The following ESRRG variants were observed in gnomAD, a reference collection of about 807,000 sequenced individuals.
ESRRG encodes estrogen-related receptor gamma.
In ESRRG, 13 loss-of-function variants were observed where a neutral mutation model predicts 44.0. That is an observed-to-expected ratio of 0.30 (90% CI 0.19 to 0.47). The LOEUF is 0.47. Ranked by LOEUF, ESRRG falls within the 20% of genes least tolerant of loss-of-function variation. The pLI is 1.00. For missense variants in ESRRG, 395 were observed against 580.6 expected (o/e 0.68, Z 3.29); for synonymous variants, 215 against 214.6 (o/e 1.00, Z -0.02).
At chr1:216,826,174 A>G (rs1446413615) in intron 2 of ESRRG, among the ~76,000 whole-genome samples, 1 of 150,232 alleles carries the variant, frequency 6.7e-6, no homozygotes, top group Non-Finnish European at 1.5e-5. Flanking sequence ...TGAACCAAGC[A>G]AATTGTTTAA....
intron 1 of ESRRG, among the ~76,000 whole-genome samples, chr1:217,008,617 C>T (rs1266419385): frequency 6.6e-6 from 1 of 152,152 alleles, no homozygotes; most frequent in African/African-American, 2.4e-5. Context: ...ATGAATTAAA[C>T]CCCAAGGGCA....
At chr1:216,825,485 GA>G (rs2095375099) in intron 2 of ESRRG, among the ~76,000 whole-genome samples, 1 of 152,128 alleles carries the variant, frequency 6.6e-6, no homozygotes, top group African/African-American at 2.4e-5. Context: ...TCAGCCCTTT[GA>G]ATTTTTTTTT....
chr1:217,065,044 T>A (rs1347046897), intron 1 of ESRRG, among the ~76,000 whole-genome samples: 1 of 152,194 alleles, frequency 6.6e-6, no homozygotes, highest in Non-Finnish European at 1.5e-5. Flanking sequence ...GGGGACTCTA[T>A]AGCTCCTTGA....
chr1:216,997,032 A>T (rs1216272296), intron 1 of ESRRG, among the ~76,000 whole-genome samples: 2 of 152,248 alleles, frequency 1.3e-5, no homozygotes, highest in Admixed American at 6.5e-5. Flanking sequence ...ATTAGATGAC[A>T]TTATGACATG....
intron 5 of ESRRG, among the ~76,000 whole-genome samples, chr1:216,534,888 C>T (rs2050461746): frequency 6.6e-6 from 1 of 152,034 alleles, no homozygotes; most frequent in Non-Finnish European, 1.5e-5. Context: ...TTCACGAATG[C>T]GACCAGATAG....
At position 216,814,753 on chromosome 1, in the gene ESRRG, T is replaced by G. The variant is rs114921748; in HGVS notation, c.-14+124829A>C. On this transcript the variant is annotated intron_variant, in intron 2 of 7. Coordinates refer to the ESRRG transcript ENST00000359162. ...TTTTCTGTCCAAGGCTCAGAGCCCG[T>G]TTAAATGTCGGTGGATAGTTTCAGA... Among the ~76,000 whole-genome samples the G allele has an allele frequency of 7.1e-3, 1,075 of 152,260 alleles. 20 individuals carry two copies. Among genetic ancestry groups the G allele is most frequent in the African/African-American group, 0.025 (1,020 of 41,538 alleles).
At chr1:216,698,380 G>A (rs556149826) in intron 1 of ESRRG, among the ~76,000 whole-genome samples, 6 of 152,010 alleles carry the variant, frequency 3.9e-5, no homozygotes, top group Non-Finnish European at 7.4e-5. Flanking sequence ...TTATCCGGGC[G>A]TGGTGGGGGG....
chr1:216,667,530 A>G (rs796447502), intron 2 of ESRRG, among the ~76,000 whole-genome samples: 18 of 151,754 alleles, frequency 1.2e-4, no homozygotes, highest in African/African-American at 2.4e-4. Context: ...TACTAAAAGT[A>G]CAAAAATTAG....
chr1:216,856,680 T>C (rs2095947514), intron 2 of ESRRG, among the ~76,000 whole-genome samples: 1 of 152,210 alleles, frequency 6.6e-6, no homozygotes, highest in South Asian at 2.1e-4. Context: ...ACGAAGAGTA[T>C]ATTACTTCAG....
chr1:216,561,319 G>T (rs966718319), intron 5 of ESRRG, among the ~76,000 whole-genome samples: 2 of 151,892 alleles, frequency 1.3e-5, no homozygotes, highest in Admixed American at 1.3e-4. Flanking sequence ...TACAAACCGA[G>T]AACAGCATAA....
chr1:216,570,064 T>C (rs781125300), intron 3 of ESRRG, among the ~76,000 whole-genome samples: 5 of 152,208 alleles, frequency 3.3e-5, no homozygotes, highest in Non-Finnish European at 7.3e-5. Context: ...ATGTTAAAGA[T>C]TATTAGGAAA....
intron 1 of ESRRG, among the ~76,000 whole-genome samples, chr1:216,680,408 A>C (rs924024517): frequency 2.6e-5 from 4 of 151,982 alleles, no homozygotes; most frequent in Non-Finnish European, 5.9e-5. Context: ...AATGTCTTGA[A>C]GACAACAGAG....
chr1:217,027,750 G>C (rs967212941), intron 1 of ESRRG, among the ~76,000 whole-genome samples: 17 of 152,146 alleles, frequency 1.1e-4, no homozygotes, highest in Admixed American at 5.9e-4. Flanking sequence ...TGGGTTCCTA[G>C]TTTAGGATGG....
At chr1:216,619,153 C>T (rs964394883) in intron 3 of ESRRG, among the ~76,000 whole-genome samples, 6 of 152,188 alleles carry the variant, frequency 3.9e-5, no homozygotes, top group African/African-American at 1.4e-4. Flanking sequence ...AAGGGAAAGA[C>T]TTCCTAATAT....
intron 1 of ESRRG, among the ~76,000 whole-genome samples, chr1:217,052,505 G>A (rs564376297): frequency 6.6e-6 from 1 of 152,280 alleles, no homozygotes; most frequent in East Asian, 1.9e-4. Context: ...AGGTTAGAAT[G>A]TTACTCTGTC....
chr1:216,782,128 A>G (rs974668462), intron 2 of ESRRG, among the ~76,000 whole-genome samples: 1 of 152,096 alleles, frequency 6.6e-6, no homozygotes, highest in Non-Finnish European at 1.5e-5. Flanking sequence ...GTTATTTGCA[A>G]GTCTTGTGTG....
chr1:217,095,273 C>T (rs2092405896), intron 1 of ESRRG, among the ~76,000 whole-genome samples: 1 of 152,170 alleles, frequency 6.6e-6, no homozygotes, highest in Non-Finnish European at 1.5e-5. Context: ...CAATAAAAGC[C>T]TCAGTCATCA....
chr1:216,734,512 C>T (rs907911188), intron 2 of ESRRG, among the ~76,000 whole-genome samples: 3 of 152,112 alleles, frequency 2.0e-5, no homozygotes, highest in African/African-American at 7.2e-5. Flanking sequence ...CTCTTTTGCT[C>T]CCTATCCCAC....
At chr1:217,034,501 G>A (rs1387224449) in intron 1 of ESRRG, among the ~76,000 whole-genome samples, 1 of 152,132 alleles carries the variant, frequency 6.6e-6, no homozygotes, top group African/African-American at 2.4e-5. Context: ...CCAATTCAGT[G>A]TAGTTCTGAG....
Sources: gnomAD v4.1 joint callset for allele counts (sites outside exome capture counted in the v4.1 genomes callset) on GRCh38, gnomAD v4.1.1 for gene constraint, MANE v1.5 for transcripts, NCBI Gene and HGNC (gene_info 2026-07-23, HGNC 2026-07-21) for gene names.